Variants in NCKAP5 observed in about 807,000 individuals in gnomAD.
NCKAP5 encodes NCK associated protein 5, also known as nck-associated protein 5.
In NCKAP5, 92 loss-of-function variants were observed where a neutral mutation model predicts 167.0. That is an observed-to-expected ratio of 0.55 (90% CI 0.47 to 0.66). The LOEUF is 0.66. Among genes scored for constraint, NCKAP5 ranks in the 30% least tolerant of loss-of-function variants. The pLI is 0.00. For synonymous variants in NCKAP5, 891 were observed against 877.4 expected (o/e 1.02, Z -0.27); for missense variants, 2,378 against 2,315.0 (o/e 1.03, Z -0.56).
intron 6 of NCKAP5, among the ~76,000 whole-genome samples, chr2:133,114,144 T>A (rs1190016806): frequency 1.3e-5 from 2 of 152,218 alleles, no homozygotes; most frequent in African/African-American, 4.8e-5. Context: ...CAGAGTTAGG[T>A]TTAGAAAATT....
chr2:133,430,481 T>C lies in NCKAP5; in HGVS notation c.69+86977A>G, dbSNP rs147148374. Among the ~76,000 whole-genome samples the C allele has an allele frequency of 4.6e-5, 7 of 152,310 alleles. No homozygotes were observed. The East Asian group carries it at 1.3e-3, about 29-fold the overall frequency. On this transcript the variant is annotated intron_variant, in intron 3 of 19. Transcript: ENST00000409261. ...GACGTGAAGAGTATTTCCTAGGTTT[T>C]CTTCTGGCATTTTTATAATTTGCGG...
intron 19 of NCKAP5, among the ~76,000 whole-genome samples, chr2:132,676,090 C>A (rs1330288423): frequency 6.6e-6 from 1 of 151,916 alleles, no homozygotes; most frequent in Admixed American, 6.6e-5. Context: ...TCTAGCTATG[C>A]AGAAATGTGG....
chr2:133,370,200 T>C (rs1200165242), intron 3 of NCKAP5, among the ~76,000 whole-genome samples: 1 of 152,220 alleles, frequency 6.6e-6, no homozygotes, highest in Non-Finnish European at 1.5e-5. Context: ...TGATTTCTGA[T>C]AGTTCCCTAA....
intron 3 of NCKAP5, among the ~76,000 whole-genome samples, chr2:133,366,143 A>AT (rs948399603): frequency 4.6e-5 from 7 of 152,178 alleles, no homozygotes; most frequent in African/African-American, 1.2e-4. Flanking sequence ...TGATAGTTGT[A>AT]TTTTTTTTAA....
At position 132,728,844 on chromosome 2, in the gene NCKAP5, C is replaced by T. The variant is rs1349412976; in HGVS notation, c.5552G>A (p.Gly1851Glu). Reference protein sequence around the residue: ...PMASQPLPDWGSEVAATGTQD... With the variant: ...PMASQPLPDWESEVAATGTQD... The stretch of plus-strand genomic sequence containing the variant: ...GGTCCCGGTGGCAGCAACTTCACTC[C>T]CCCAGTCTGGAAGCGGCTGGCTTGC... The change falls in exon 18 of 20, where the codon GGG becomes GAG. Residue 1851 changes from glycine (G) to glutamate (E), a missense_variant. Gly to Glu is a moderately conservative substitution (Grantham distance 98). Around this residue, in one of 3 missense-constraint regions of NCKAP5, gnomAD observed 1,325 missense variants for 1,274.5 expected, o/e 1.04. Coordinates refer to ENST00000409261, the MANE Select transcript of NCKAP5 (RefSeq NM_207363.3). 1.9e-6 allele frequency: 3 copies of T among 1,613,786 alleles called. No homozygotes were observed. Among genetic ancestry groups the T allele is most frequent in the African/African-American group, 1.3e-5 (1 of 74,898 alleles).
At chr2:133,389,538 G>T (rs1445826507) in intron 3 of NCKAP5, among the ~76,000 whole-genome samples, 1 of 152,196 alleles carries the variant, frequency 6.6e-6, no homozygotes, top group Non-Finnish European at 1.5e-5. Flanking sequence ...GACTCGACAT[G>T]GAAGAGCAGA....
chr2:132,919,315 A>C (rs1695125887), intron 8 of NCKAP5, among the ~76,000 whole-genome samples: 1 of 152,170 alleles, frequency 6.6e-6, no homozygotes, highest in African/African-American at 2.4e-5. Flanking sequence ...AGAGAATACC[A>C]AGATTATAGT....
chr2:132,710,906 A>G (rs773270022), intron 19 of NCKAP5, among the ~76,000 whole-genome samples: 1 of 152,260 alleles, frequency 6.6e-6, no homozygotes, highest in Non-Finnish European at 1.5e-5. Flanking sequence ...CGTCTTTTTA[A>G]CATTTGAGAA....
intron 8 of NCKAP5, among the ~76,000 whole-genome samples, chr2:132,958,667 T>C (rs2076413376): frequency 6.6e-6 from 1 of 152,224 alleles, no homozygotes; most frequent in African/African-American, 2.4e-5. Context: ...TTCTGTTCCT[T>C]GGACTTGCCA....
chr2:133,133,702 AT>A (rs2082688455), intron 5 of NCKAP5, among the ~76,000 whole-genome samples: 1 of 152,210 alleles, frequency 6.6e-6, no homozygotes, highest in African/African-American at 2.4e-5. Flanking sequence ...TCTGCAAAAA[AT>A]ATCTTCAATC....
chr2:133,255,489 G>C (rs530960697), intron 4 of NCKAP5, among the ~76,000 whole-genome samples: 14 of 151,952 alleles, frequency 9.2e-5, no homozygotes, highest in South Asian at 8.3e-4. Flanking sequence ...AGTTTCCTTG[G>C]GGGGAGGGGT....
chr2:133,427,055 C>T (rs536869379), intron 3 of NCKAP5, among the ~76,000 whole-genome samples: 6 of 152,168 alleles, frequency 3.9e-5, no homozygotes, highest in Admixed American at 6.5e-5. Flanking sequence ...TAGGGAGAGC[C>T]ATGCAAAAAT....
rs148423174 is a variant in NCKAP5, at chr2:133,555,897, G to T, written c.-62+3153C>A. ...TCCAAATGCCCATCCATAGTAGGAA[G>T]ACTATATGGTGGCAGAGTCACACAA... On this transcript the variant is annotated intron_variant, in intron 2 of 19. Transcript: ENST00000409261. 3.1e-3 allele frequency among the ~76,000 whole-genome samples: 470 copies of T among 152,304 alleles called. 3 individuals carry two copies. The highest frequency in any genetic ancestry group is 0.01 in the African/African-American group (423 of 41,554).
At chr2:133,470,698 G>A (rs1347607731) in intron 3 of NCKAP5, among the ~76,000 whole-genome samples, 1 of 152,256 alleles carries the variant, frequency 6.6e-6, no homozygotes, top group Non-Finnish European at 1.5e-5. Context: ...GCCAGGTGCA[G>A]GATATAATCT....
chr2:133,547,830 T>C (rs966497356), intron 2 of NCKAP5, among the ~76,000 whole-genome samples: 1 of 147,880 alleles, frequency 6.8e-6, no homozygotes, highest in African/African-American at 2.5e-5. Flanking sequence ...CCTCTCCTCC[T>C]CCAAAGGAAC....
the NCKAP5 span, among the ~76,000 whole-genome samples, chr2:133,641,211 C>T: frequency 6.6e-6 from 1 of 152,302 alleles, no homozygotes; most frequent in South Asian, 2.1e-4. Flanking sequence ...CATTTCTCTG[C>T]TTTCTCATAG....
chr2:133,336,974 A>G (rs1039194035), intron 3 of NCKAP5, among the ~76,000 whole-genome samples: 1 of 152,168 alleles, frequency 6.6e-6, no homozygotes, highest in African/African-American at 2.4e-5. Flanking sequence ...TTAGAGAGAC[A>G]TAAGTGACAT....
chr2:133,288,327 A>G (rs557659338), intron 4 of NCKAP5, among the ~76,000 whole-genome samples: 4 of 152,304 alleles, frequency 2.6e-5, no homozygotes, highest in African/African-American at 9.6e-5. Context: ...AAGAATTTCT[A>G]TTTTAGAGTG....
At chr2:133,312,015 A>G (rs1281101999) in intron 3 of NCKAP5, among the ~76,000 whole-genome samples, 2 of 152,238 alleles carry the variant, frequency 1.3e-5, no homozygotes, top group Admixed American at 6.5e-5. Context: ...TTGCTCATCT[A>G]TGGCATGTAA....
Sources: gnomAD v4.1 joint callset for allele counts (sites outside exome capture counted in the v4.1 genomes callset) on GRCh38, gnomAD v4.1.1 for gene constraint, gnomAD v4.1.1 regional missense constraint, MANE v1.5 for transcripts, NCBI Gene and HGNC (gene_info 2026-07-23, HGNC 2026-07-21) for gene names.